The following XPO5 variants were observed in gnomAD, a reference collection of about 807,000 sequenced individuals.
XPO5 encodes the protein exportin-5.
A neutral mutation model predicts 160.6 loss-of-function variants in XPO5; 46 were observed. That is an observed-to-expected ratio of 0.29 (90% CI 0.23 to 0.37). The LOEUF (loss-of-function observed/expected upper bound fraction) is 0.37. Among genes scored for constraint, XPO5 ranks in the 10% least tolerant of loss-of-function variants. The probability of loss-of-function intolerance (pLI) is 1.00; values close to 1 mark genes in which losing one functional copy is unlikely to be tolerated. For missense variants in XPO5, 1,090 were observed against 1,463.9 expected, an observed-to-expected ratio of 0.74 and a Z score of 4.17; for synonymous variants, 537 against 519.3, an observed-to-expected ratio of 1.03 and a Z score of -0.46.
chr6:43,552,703 T>C (rs762825767), intron 14 of XPO5, among the ~76,000 whole-genome samples: 1 of 152,226 alleles, frequency 6.6e-6, no homozygotes, highest in Non-Finnish European at 1.5e-5. Flanking sequence ...ATATCTTTTG[T>C]CTATTTCTCT....
At position 43,567,187 on chromosome 6, in the gene XPO5, G is replaced by A. The variant is rs770931717; in HGVS notation, c.816C>T (p.Leu272=). 2 of 1,613,120 alleles carry A rather than the reference G, an allele frequency of 1.2e-6. No homozygotes were observed. The highest frequency in any genetic ancestry group is 1.7e-6 in the Non-Finnish European group (2 of 1,179,528). Residue 272 remains leucine (L), a synonymous_variant, in exon 7 of 32, where the codon CTC becomes CTT. Coordinates refer to ENST00000265351, the MANE Select transcript of XPO5 (RefSeq NM_020750.3). The part of the protein sequence containing the change: ...ELQLGAAECL[L]IAVSRKGKLE... ...AACTTACTTTTCTGCTGACTGCAAT[G>A]AGAAGACACTCAGCGGCTCCCAACT...
intron 24 of XPO5, 147 bp from the exon 25 acceptor site, chr6:43,528,352 G>A (rs1793730092): frequency 1.3e-6 from 1 of 746,532 alleles, no homozygotes; most frequent in Non-Finnish European, 2.2e-6. Context: ...ACACCACAAG[G>A]TTAAAAAAAA....
intron 10 of XPO5, among the ~76,000 whole-genome samples, 191 bp downstream of exon 10, chr6:43,560,733 G>C (rs1013903965): frequency 6.6e-6 from 1 of 152,160 alleles, no homozygotes; most frequent in Non-Finnish European, 1.5e-5. Flanking sequence ...AAAAGCTGCT[G>C]ACCTAGACAA....
intron 26 of XPO5, 72 bp downstream of exon 26, chr6:43,527,562 T>C (rs1167080598): frequency 2.0e-6 from 3 of 1,495,438 alleles, no homozygotes; most frequent in Non-Finnish European, 1.9e-6. Flanking sequence ...CAGGCCTTCA[T>C]GGAGTTGGCT....
In XPO5 at chr6:43,570,984, T is replaced by C; in HGVS notation, c.311A>G (p.Asn104Ser). 6.2e-7 allele frequency: 1 copy of C among 1,609,578 alleles called. No homozygotes were observed. Among genetic ancestry groups the C allele is most frequent in the Non-Finnish European group, 8.5e-7 (1 of 1,178,700 alleles). ...VMELIANGTLNILEEENHIKD... is the reference protein window; with the variant it reads ...VMELIANGTLSILEEENHIKD... ...AATATGGTTCTCCTCTTCCAAAATGTTCAATGTTCCCTGAAAAAGAACAAG... is the reference window on the plus strand; with the variant it reads ...AATATGGTTCTCCTCTTCCAAAATGCTCAATGTTCCCTGAAAAAGAACAAG... The change falls in exon 4 of 32, where the codon AAC (asparagine) becomes AGC (serine). Residue 104 changes from asparagine (N) to serine (S), a missense_variant. Around this residue, in one of 3 missense-constraint regions of XPO5, gnomAD observed 170 missense variants for 227.0 expected, o/e 0.75. Transcript: ENST00000265351.
intron 22 of XPO5, 120 bp from the exon 23 acceptor site, chr6:43,530,944 T>A: frequency 7.7e-7 from 1 of 1,299,652 alleles, no homozygotes; most frequent in Non-Finnish European, 1.0e-6. Context: ...AGAGCAGTTG[T>A]ATTTACTTAA....
In XPO5 at chr6:43,570,857, C is replaced by A. The variant is rs1168565885; in HGVS notation, c.438G>T (p.Gly146=). 1 of 1,609,226 alleles carries A rather than the reference C, an allele frequency of 6.2e-7. No homozygotes were observed. Among genetic ancestry groups the A allele is most frequent in the Middle Eastern group, 1.7e-4 (1 of 6,042 alleles). Reference sequence around the variant, plus strand: ...AAACTGATATAGCTGTGTTTCATACCCCTTGTTTGGAAAGAGTGTCCAATT... The same window carrying A: ...AAACTGATATAGCTGTGTTTCATACACCTTGTTTGGAAAGAGTGTCCAATT... ...LIELDTLSKQ[G]ETQTELVMFI... The change falls in exon 4 of 32, where the codon GGG becomes GGT. Residue 146 remains glycine (G), a splice_region_variant and synonymous_variant. Transcript: ENST00000265351.
chr6:43,550,199 T>C (rs942662417), intron 15 of XPO5, among the ~76,000 whole-genome samples: 2 of 152,226 alleles, frequency 1.3e-5, no homozygotes, highest in African/African-American at 2.4e-5. Flanking sequence ...ACCCAAGCAC[T>C]TGGCTATGGA....
intron 20 of XPO5, chr6:43,539,627 C>G: frequency 7.4e-7 from 1 of 1,344,306 alleles, no homozygotes; most frequent in South Asian, 1.2e-5. Flanking sequence ...GAAACCTCTG[C>G]GGAAGCCACC....
In XPO5 at chr6:43,531,483, T is replaced by G; in HGVS notation, c.2536A>C (p.Asn846His). 6.2e-7 allele frequency: 1 copy of G among 1,613,228 alleles called. No individual in the cohort carries two copies. The highest frequency in any genetic ancestry group is 8.5e-7 in the Non-Finnish European group (1 of 1,179,240). ...GAGGCAGCATTGGTTCCTTACCAGT[T>G]TTCATAGAGGGTAGAGAAGAAACGC... ...MQRFFSTLYE[N>H]CFHILGKAGP... Residue 846 changes from asparagine (N) to histidine (H), a missense_variant, in exon 22 of 32, where the codon AAC becomes CAC. Around this residue, in one of 3 missense-constraint regions of XPO5, gnomAD observed 810 missense variants for 1,139.0 expected, o/e 0.71. Coordinates refer to ENST00000265351, the MANE Select transcript of XPO5 (RefSeq NM_020750.3).
At chr6:43,534,667 T>C (rs1462465683) in intron 20 of XPO5, among the ~76,000 whole-genome samples, 1 of 152,094 alleles carries the variant, frequency 6.6e-6, no homozygotes, top group Non-Finnish European at 1.5e-5. Flanking sequence ...TTTTAGACCA[T>C]GTTTAAACCT....
At chr6:43,548,847 A>C (rs1332923767) in intron 17 of XPO5, among the ~76,000 whole-genome samples, 1 of 151,970 alleles carries the variant, frequency 6.6e-6, no homozygotes, top group African/African-American at 2.4e-5. Context: ...CCCATGCCCC[A>C]AAAAGGGTTG....
intron 17 of XPO5, among the ~76,000 whole-genome samples, chr6:43,548,747 T>A (rs943710850): frequency 6.6e-6 from 1 of 150,548 alleles, no homozygotes; most frequent in Non-Finnish European, 1.5e-5. Flanking sequence ...TATATGTATA[T>A]CTATATATAT....
rs2127707161 is a variant in XPO5 at position 43,530,776 on chromosome 6, A to G, written c.2589T>C (p.Tyr863=). 1.9e-6 allele frequency: 3 copies of G among 1,613,942 alleles called. No homozygotes were observed. Among genetic ancestry groups the G allele is most frequent in the Non-Finnish European group, 2.5e-6 (3 of 1,179,850 alleles). The change falls in exon 23 of 32, where the codon TAT becomes TAC. Residue 863 remains tyrosine, a synonymous_variant. Coordinates refer to ENST00000265351, the MANE Select transcript of XPO5 (RefSeq NM_020750.3). ...GCTGGGTAGCAAGGTCCTCCACAGT[A>G]TAGAAGTCTTGCTGCATGGAAGGGC... ...KAGPSMQQDF[Y]TVEDLATQLL...
intron 12 of XPO5, among the ~76,000 whole-genome samples, chr6:43,556,994 G>A (rs1388379571): frequency 1.3e-5 from 2 of 152,088 alleles, no homozygotes; most frequent in East Asian, 3.9e-4. Flanking sequence ...TGGGCATGGT[G>A]GTGCATGCCT....
chr6:43,537,483 T>A (rs2127715968), intron 20 of XPO5, among the ~76,000 whole-genome samples: 1 of 152,316 alleles, frequency 6.6e-6, no homozygotes, highest in Middle Eastern at 3.4e-3. Flanking sequence ...ATGGTGTCTG[T>A]CCTCGACAAC....
chr6:43,545,711 AAAAC>A (rs1196490468), intron 20 of XPO5, among the ~76,000 whole-genome samples: 7 of 142,516 alleles, frequency 4.9e-5, no homozygotes, highest in African/African-American at 2.2e-4. Context: ...CTGTCTCAAA[AAAAC>A]AAACAAACAA....
intron 20 of XPO5, among the ~76,000 whole-genome samples, chr6:43,540,458 G>A (rs772581578): frequency 4.0e-5 from 6 of 151,804 alleles, no homozygotes; most frequent in Admixed American, 6.6e-5. Flanking sequence ...CAGCCTGGAC[G>A]ACAGAGCAAG....
At chr6:43,526,535 G>T in intron 27 of XPO5, 150 bp downstream of exon 27, 1 of 807,806 alleles carries the variant, frequency 1.2e-6, no homozygotes, top group Non-Finnish European at 2.0e-6. Context: ...GAGTATGATG[G>T]AGGCACACAG....
Sources: gnomAD v4.1 joint callset for allele counts (sites outside exome capture counted in the v4.1 genomes callset) on GRCh38, gnomAD v4.1.1 for gene constraint, gnomAD v4.1.1 regional missense constraint, MANE v1.5 for transcripts, NCBI Gene and HGNC (gene_info 2026-07-23, HGNC 2026-07-21) for gene names.